Variants in FRMPD4 observed in about 807,000 individuals in gnomAD.
The protein encoded by FRMPD4 is FERM and PDZ domain containing 4.
Under a neutral mutation model 94.1 loss-of-function variants are expected in FRMPD4, and 22 were observed. The ratio of observed to expected loss-of-function variants is 0.23; its 90% CI spans 0.17 to 0.33. The LOEUF (loss-of-function observed/expected upper bound fraction) is 0.33, where lower values mean the gene tolerates loss of function less well. Ranked by LOEUF, FRMPD4 falls within the 10% of genes least tolerant of loss-of-function variation. The pLI is 1.00. For synonymous variants in FRMPD4, 631 were observed against 548.6 expected (o/e 1.15, Z -2.10); for missense variants, 1,111 against 1,339.9 (o/e 0.83, Z 2.67).
chrX:11,996,574 A>G (rs1253726140), intron 3 of FRMPD4, among the ~76,000 whole-genome samples: 2 of 112,509 alleles, frequency 1.8e-5, no homozygotes, highest in Middle Eastern at 4.6e-3. Context: ...GGAAAACAAT[A>G]ATGCTTCCTT....
chrX:11,953,692 C>A lies in FRMPD4; in HGVS notation c.95+75674C>A, dbSNP rs182157986. ...ATAAACAAGGCTAGAAAGAACCAGA[C>A]ATGGGGAGAGCGATGAGCAGGAAAT... On this transcript the variant is annotated intron_variant, in intron 3 of 18. Transcript: ENST00000640291. 5.4e-5 allele frequency among the ~76,000 whole-genome samples: 6 copies of A among 111,337 alleles called. No individual in the cohort carries two copies. In the Admixed American group the frequency reaches 5.7e-4, roughly 11 times the overall value.
At chrX:12,650,778 T>C (rs1382396818) in intron 4 of FRMPD4, among the ~76,000 whole-genome samples, 1 of 112,999 alleles carries the variant, frequency 8.8e-6, no homozygotes, top group East Asian at 2.8e-4. Context: ...AAACAATTTA[T>C]ATATCTGTTG....
intron 1 of FRMPD4, among the ~76,000 whole-genome samples, chrX:12,492,687 G>A (rs1016407298): frequency 7.2e-5 from 8 of 111,496 alleles, no homozygotes; most frequent in African/African-American, 2.6e-4. Flanking sequence ...AAAATAGTTG[G>A]TGGGATGATT....
chrX:12,694,261 G>T (rs1282733292), intron 8 of FRMPD4, 74 bp from the exon 9 acceptor site: 3 of 866,565 alleles, frequency 3.5e-6, no homozygotes, highest in South Asian at 2.6e-5. Flanking sequence ...AAAAAAAGTC[G>T]ACTGCTTCAG....
chrX:12,005,353 C>T (rs1473949280), intron 3 of FRMPD4, among the ~76,000 whole-genome samples: 1 of 108,008 alleles, frequency 9.3e-6, no homozygotes, highest in Non-Finnish European at 1.9e-5. Context: ...TTGAATATAG[C>T]CCTGGCCTAA....
chrX:11,838,624 A>G (rs911767329), intron 1 of FRMPD4, among the ~76,000 whole-genome samples: 2 of 111,195 alleles, frequency 1.8e-5, no homozygotes, highest in African/African-American at 3.3e-5. Flanking sequence ...TTTGTAGTCA[A>G]TCCCCACCAC....
intron 3 of FRMPD4, among the ~76,000 whole-genome samples, chrX:11,989,393 T>G (rs1161343461): frequency 9.0e-6 from 1 of 110,766 alleles, no homozygotes; most frequent in East Asian, 2.8e-4. Context: ...AAAAGCAAAC[T>G]TTGCCTATTC....
In FRMPD4 at chrX:12,721,791, A is replaced by G. The variant is rs1292634406; in HGVS notation, c.5222A>G (p.His1741Arg). The change falls in exon 17 of 17, where the codon CAC (histidine) becomes CGC (arginine). Residue 1741 changes from histidine (H) to arginine (R), a missense_variant. Transcript: ENST00000675598. ...CCTAATGTTGGACTCTCGGCGCGAC[A>G]CTCAACCACCATGGCCGCTCTCGTA... is the stretch of plus-strand genomic sequence containing the variant. ...GDPNVGLSARHSTTMAALVST... is the reference protein window; with the variant it reads ...GDPNVGLSARRSTTMAALVST... The G allele has an allele frequency of 1.2e-5, 9 of 753,294 alleles. No homozygotes were observed. Among genetic ancestry groups the G allele is most frequent in the Non-Finnish European group, 1.4e-5 (9 of 636,642 alleles). The allele number at this position is 753,294 out of a possible 1,213,427, so 62.1% of individuals were successfully genotyped here.
intron 1 of FRMPD4, among the ~76,000 whole-genome samples, chrX:12,438,656 TGTAGGTG>T (rs2057097768): frequency 1.8e-5 from 2 of 110,956 alleles, no homozygotes; most frequent in Admixed American, 9.6e-5. Flanking sequence ...CATGTCACCT[TGTAGGTG>T]GTAGGTGCTC....
intron 2 of FRMPD4, among the ~76,000 whole-genome samples, chrX:12,578,639 A>G (rs1394121933): frequency 8.9e-6 from 1 of 112,087 alleles, no homozygotes; most frequent in Non-Finnish European, 1.9e-5. Context: ...ACCACCAGCA[A>G]AAGAAGCCTT....
Position 11,910,137 on chromosome X carries a change from C to A in FRMPD4, c.95+32119C>A, listed in dbSNP as rs771008418. On this transcript the variant is annotated intron_variant, in intron 3 of 18. Transcript: ENST00000640291. ...TCTCCAACTATAATTTTTGATTTGT[C>A]CATTTCAAGAATCTTAATATTTAAA... 2.7e-5 allele frequency among the ~76,000 whole-genome samples: 3 copies of A among 111,387 alleles called. No individual in the cohort carries two copies. The South Asian group carries it at 1.1e-3, about 42-fold the overall frequency.
rs11389537 is a variant in FRMPD4, at chrX:12,720,053, A to AGGAAAGGAAAGGAAAG, written c.3965-480_3965-479insGAAAGGAAAGGAAAGG. 3.3e-3 allele frequency among the ~76,000 whole-genome samples: 137 copies of AGGAAAGGAAAGGAAAG among 41,480 alleles called. 1 individual carries two copies. The highest frequency in any genetic ancestry group is 7.8e-3 in the African/African-American group (100 of 12,862). 36.0% of individuals were successfully genotyped at this position (41,480 alleles called of 115,157 possible). ...AGGAAAGGAAAGGAAAGGAAAGGAA[A>AGGAAAGGAAAGGAAAG]GAAAGAAAGAAAGAAAGAAAGAAAG... On this transcript the variant is annotated intron_variant, in intron 16 of 16. Transcript: ENST00000675598.
chrX:12,199,001 A>G (rs1188944198), intron 1 of FRMPD4, among the ~76,000 whole-genome samples: 3 of 111,394 alleles, frequency 2.7e-5, no homozygotes, highest in African/African-American at 9.8e-5. Context: ...TATTGATCAA[A>G]CATATTAATA....
chrX:12,467,317 A>T (rs998621180), intron 1 of FRMPD4, among the ~76,000 whole-genome samples: 1 of 111,953 alleles, frequency 8.9e-6, no homozygotes, highest in African/African-American at 3.2e-5. Context: ...TGTTAATCAA[A>T]TTTCCAACAC....
intron 4 of FRMPD4, among the ~76,000 whole-genome samples, chrX:12,637,375 T>TA (rs1419936394): frequency 8.9e-6 from 1 of 112,276 alleles, no homozygotes; most frequent in African/African-American, 3.2e-5. Flanking sequence ...ATGACTGTGT[T>TA]AAAATCACTG....
chrX:12,015,440 C>T (rs1348264172), intron 3 of FRMPD4, among the ~76,000 whole-genome samples: 1 of 111,700 alleles, frequency 9.0e-6, no homozygotes, highest in East Asian at 2.8e-4. Context: ...TGCTTTCATA[C>T]CAACCTGCAC....
chrX:12,153,018 C>A (rs1037019076), intron 1 of FRMPD4, among the ~76,000 whole-genome samples: 1 of 106,530 alleles, frequency 9.4e-6, no homozygotes, highest in Admixed American at 1.0e-4. Flanking sequence ...ACTGCAAGCT[C>A]CGCTTCCCGG....
chrX:11,998,234 C>T (rs755867771), intron 3 of FRMPD4, among the ~76,000 whole-genome samples: 12 of 111,506 alleles, frequency 1.1e-4, no homozygotes, highest in African/African-American at 2.9e-4. Flanking sequence ...TGTGTAACTC[C>T]GGCATAACAC....
chrX:11,926,712 A>T (rs969476044), intron 3 of FRMPD4, among the ~76,000 whole-genome samples: 1 of 111,850 alleles, frequency 8.9e-6, no homozygotes, highest in African/African-American at 3.3e-5. Context: ...ACACCCCTTC[A>T]TGTCAAAAAC....
Sources: gnomAD v4.1 joint callset for allele counts (sites outside exome capture counted in the v4.1 genomes callset) on GRCh38, gnomAD v4.1.1 for gene constraint, MANE v1.5 for transcripts, NCBI Gene and HGNC (gene_info 2026-07-23, HGNC 2026-07-21) for gene names.